The following BRAF variants were observed in gnomAD, a reference collection of about 807,000 sequenced individuals.
BRAF encodes the protein B-Raf proto-oncogene, serine/threonine kinase.
BRAF carries 16 observed loss-of-function variants against 104.6 expected under a neutral mutation model. That is an observed-to-expected ratio of 0.15 (90% CI 0.10 to 0.23). BRAF has a LOEUF of 0.23. Ranked by LOEUF, BRAF falls within the 10% of genes least tolerant of loss-of-function variation. The pLI, the probability that BRAF is intolerant of heterozygous loss-of-function variation, is 1.00. For synonymous variants in BRAF, 310 were observed against 341.6 expected (o/e 0.91, Z 1.02); for missense variants, 541 against 937.3 (o/e 0.58, Z 5.52).
intron 1 of BRAF, among the ~76,000 whole-genome samples, chr7:140,851,363 A>C (rs1455931164): frequency 6.6e-6 from 1 of 152,228 alleles, no homozygotes; most frequent in Non-Finnish European, 1.5e-5. Context: ...CACACAGTAG[A>C]AATTATGGCC....
At chr7:140,787,729 G>C (rs1361642857) in intron 8 of BRAF, 145 bp from the exon 9 acceptor site, 9 of 705,150 alleles carry the variant, frequency 1.3e-5, no homozygotes, top group Non-Finnish European at 2.1e-5. Flanking sequence ...AAACAATTTG[G>C]AATTATCTAG....
chr7:140,854,293 A>C (rs1809527792), intron 1 of BRAF, among the ~76,000 whole-genome samples: 1 of 152,220 alleles, frequency 6.6e-6, no homozygotes, highest in South Asian at 2.1e-4. Context: ...TTCCATGTCT[A>C]TTAGCTACTT....
At chr7:140,765,761 C>T (rs1196644722) in intron 14 of BRAF, among the ~76,000 whole-genome samples, 3 of 152,102 alleles carry the variant, frequency 2.0e-5, no homozygotes, top group South Asian at 4.1e-4. Context: ...TACCATCTCA[C>T]ACCAATTAGA....
intron 3 of BRAF, among the ~76,000 whole-genome samples, chr7:140,811,260 C>T (rs774933979): frequency 1.3e-5 from 2 of 152,094 alleles, no homozygotes; most frequent in Non-Finnish European, 2.9e-5. Context: ...GATATGACCA[C>T]GAGGTGGCAG....
rs560534241 is a variant in BRAF at position 140,825,513 on chromosome 7, A to C, written c.504+9096T>G. On this transcript the variant is annotated intron_variant, in intron 3 of 19. Transcript: ENST00000644969. ...ACCCCAGGTCACAAAAATTTTCTGT[A>C]GTGTTTTCTTCTGCAAATTTTAGGT... is the stretch of plus-strand genomic sequence containing the variant. Among the ~76,000 whole-genome samples the C allele has an allele frequency of 1.1e-4, 16 of 152,330 alleles. No individual in the cohort carries two copies. In the South Asian group the frequency reaches 1.5e-3, roughly 14 times the overall value.
chr7:140,916,694 T>C (rs1817669653), intron 1 of BRAF, among the ~76,000 whole-genome samples: 1 of 152,230 alleles, frequency 6.6e-6, no homozygotes, highest in Non-Finnish European at 1.5e-5. Flanking sequence ...TACCTGTCAC[T>C]TTTCATGAAC....
At chr7:140,892,379 C>A (rs1253320898) in intron 1 of BRAF, among the ~76,000 whole-genome samples, 2 of 152,202 alleles carry the variant, frequency 1.3e-5, no homozygotes, top group Non-Finnish European at 2.9e-5. Flanking sequence ...CAGGGTATCA[C>A]CTGCTTGCCA....
chr7:140,754,589 C>A (rs1160088911), intron 14 of BRAF, among the ~76,000 whole-genome samples: 8 of 152,184 alleles, frequency 5.3e-5, no homozygotes, highest in African/African-American at 1.7e-4. Context: ...CCCTCCTACA[C>A]CCAACCCTCC....
At chr7:140,714,468 C>A (rs1176197803), downstream of BRAF, among the ~76,000 whole-genome samples, 5 of 152,052 alleles carry the variant, frequency 3.3e-5, no homozygotes, top group East Asian at 7.7e-4. Flanking sequence ...AACTTCTGGG[C>A]CCAAGTGATC....
At chr7:140,846,623 T>C (rs1808569382) in intron 2 of BRAF, among the ~76,000 whole-genome samples, 1 of 152,070 alleles carries the variant, frequency 6.6e-6, no homozygotes, top group South Asian at 2.1e-4. Context: ...AAAACATGAA[T>C]GGACTTAATG....
chr7:140,903,027 C>A (rs940436560), intron 1 of BRAF, among the ~76,000 whole-genome samples: 1 of 150,644 alleles, frequency 6.6e-6, no homozygotes, highest in African/African-American at 2.5e-5. Flanking sequence ...CGGGTTCAAG[C>A]GATTCTCCTG....
At chr7:140,753,797 A>T in intron 15 of BRAF, 1 of 313,802 alleles carries the variant, frequency 3.2e-6, no homozygotes, top group South Asian at 3.4e-5. Context: ...GAAGAGAAAT[A>T]TTATGTTTTT....
intron 1 of BRAF, among the ~76,000 whole-genome samples, chr7:140,886,282 G>A (rs1188109516): frequency 6.6e-6 from 1 of 152,076 alleles, no homozygotes; most frequent in Non-Finnish European, 1.5e-5. Flanking sequence ...ATTCTAACTG[G>A]TTTCCTCATT....
At chr7:140,799,871 T>C (rs1802903550) in intron 7 of BRAF, 1 of 294,840 alleles carries the variant, frequency 3.4e-6, no homozygotes, top group Non-Finnish European at 6.4e-6. Context: ...CTATACCTAA[T>C]AAAAGATGAA....
intron 19 of BRAF, chr7:140,733,132 T>C (rs2130861051): frequency 6.6e-6 from 1 of 152,328 alleles, no homozygotes; most frequent in East Asian, 1.9e-4. Context: ...AATGAGGGGT[T>C]AAAGATTTGC....
In BRAF at chr7:140,724,343, A is replaced by C. The variant is rs149050787; in HGVS notation, c.*2151T>G. ...TGAAGCCAATCTTGGTAAAGGGAAC[A>C]CAGCCACATTTAAAAGCATCTAGAG... On this transcript the variant is annotated 3_prime_UTR_variant, in exon 20 of 20. Transcript: ENST00000644969. 1 of 1,055,000 alleles carries C rather than the reference A, an allele frequency of 9.5e-7. No individual in the cohort carries two copies. Among genetic ancestry groups the C allele is most frequent in the Non-Finnish European group, 1.1e-6 (1 of 872,788 alleles). 65.4% of individuals were successfully genotyped at this position (1,055,000 alleles called of 1,614,324 possible).
Position 140,724,212 on chromosome 7 carries a change from C to A in BRAF, c.*2282G>T. The A allele has an allele frequency of 9.5e-7, 1 of 1,057,980 alleles. No individual in the cohort carries two copies. Among genetic ancestry groups the A allele is most frequent in the African/African-American group, 1.6e-5 (1 of 60,672 alleles). 65.5% of individuals were successfully genotyped at this position (1,057,980 alleles called of 1,614,324 possible). ...CCTAATGGTACCGCCCCTGCCCCTG[C>A]CCCACGGAGGCAGTCCCGGACCCAG... On this transcript the variant is annotated 3_prime_UTR_variant, in exon 20 of 20. Coordinates refer to ENST00000644969, the MANE Select transcript of BRAF (RefSeq NM_001374258.1).
In BRAF at chr7:140,786,389, A is replaced by C. The variant is rs974470529; in HGVS notation, c.1178-581T>G. On this transcript the variant is annotated intron_variant, in intron 9 of 19. Coordinates refer to ENST00000644969, the MANE Select transcript of BRAF (RefSeq NM_001374258.1). Reference sequence around the variant, plus strand: ...AAAGAAGGTCACAGTGAAGAGGTCAACTCTAAGCATGATAAGCAGTTATTA... The same window carrying C: ...AAAGAAGGTCACAGTGAAGAGGTCACCTCTAAGCATGATAAGCAGTTATTA... 2.6e-5 allele frequency among the ~76,000 whole-genome samples: 4 copies of C among 152,168 alleles called. No homozygotes were observed. In the East Asian group the frequency reaches 7.7e-4, roughly 29 times the overall value.
intron 1 of BRAF, among the ~76,000 whole-genome samples, chr7:140,883,480 T>C (rs1813176715): frequency 6.6e-6 from 1 of 152,240 alleles, no homozygotes; most frequent in South Asian, 2.1e-4. Context: ...ATTTAGTAAA[T>C]GTGAGGCACT....
Sources: allele counts gnomAD v4.1 joint callset (sites outside exome capture counted in the v4.1 genomes callset), GRCh38; gene constraint gnomAD v4.1.1; transcripts MANE v1.5; gene names NCBI Gene and HGNC (gene_info 2026-07-23, HGNC 2026-07-21).